EFCAB6: variants seen among roughly 807,000 people sequenced by gnomAD.
The protein encoded by EFCAB6 is EF-hand calcium binding domain 6, also known as EF-hand calcium-binding domain-containing protein 6.
A neutral mutation model predicts 169.8 loss-of-function variants in EFCAB6; 156 were observed. That is an observed-to-expected ratio of 0.92 (90% CI 0.81 to 1.05). The LOEUF (loss-of-function observed/expected upper bound fraction) is 1.05. EFCAB6 is among the 50% of genes least tolerant of loss of function. The probability of loss-of-function intolerance (pLI) is 0.00; values close to 1 mark genes in which losing one functional copy is unlikely to be tolerated. For missense variants in EFCAB6, 1,800 were observed against 1,829.1 expected (o/e 0.98, Z 0.29); for synonymous variants, 698 against 676.4 (o/e 1.03, Z -0.50).
chr22:43,811,181 G>A (rs1170595901), intron 1 of EFCAB6, among the ~76,000 whole-genome samples: 1 of 151,742 alleles, frequency 6.6e-6, no homozygotes, highest in East Asian at 1.9e-4. Flanking sequence ...TTGGGACACC[G>A]AGGCACGAGA....
At chr22:43,581,524 T>C (rs1200936981) in intron 24 of EFCAB6, among the ~76,000 whole-genome samples, 2 of 152,212 alleles carry the variant, frequency 1.3e-5, no homozygotes, top group South Asian at 2.1e-4. Context: ...ACGGAACATA[T>C]AGCATATCTA....
intron 6 of EFCAB6, among the ~76,000 whole-genome samples, chr22:43,747,482 C>T (rs905927535): frequency 2.6e-5 from 4 of 152,132 alleles, no homozygotes; most frequent in Admixed American, 6.6e-5. Context: ...GTCGAAGTGG[C>T]GCCCAGTTTC....
chr22:43,755,957 A>G, intron 5 of EFCAB6, 125 bp from the exon 6 acceptor site: 1 of 940,004 alleles, frequency 1.1e-6, no homozygotes, highest in Non-Finnish European at 1.5e-6. Context: ...GGTATTTCTT[A>G]CAAGCTACTG....
intron 17 of EFCAB6, among the ~76,000 whole-genome samples, chr22:43,664,492 GTGC>G (rs1259708541): frequency 6.6e-6 from 1 of 152,206 alleles, no homozygotes; most frequent in African/African-American, 2.4e-5. Context: ...CACAACACAG[GTGC>G]TGTGAACAGG....
intron 26 of EFCAB6, among the ~76,000 whole-genome samples, chr22:43,566,282 T>A (rs972666124): frequency 6.6e-6 from 1 of 152,236 alleles, no homozygotes; most frequent in African/African-American, 2.4e-5. Flanking sequence ...TCTGGTGGCA[T>A]AACTGCTGCC....
At chr22:43,606,310 A>G (rs2052914587) in intron 22 of EFCAB6, among the ~76,000 whole-genome samples, 1 of 152,230 alleles carries the variant, frequency 6.6e-6, no homozygotes, top group Non-Finnish European at 1.5e-5. Context: ...CCTTAAGAGC[A>G]TTTGAGTGTC....
intron 26 of EFCAB6, among the ~76,000 whole-genome samples, chr22:43,571,732 C>T (rs936122511): frequency 6.6e-6 from 1 of 152,122 alleles, no homozygotes; most frequent in Non-Finnish European, 1.5e-5. Flanking sequence ...CTCCTGCTCC[C>T]GATGGCAAAT....
chr22:43,802,614 C>A, intron 2 of EFCAB6: 1 of 471,066 alleles, frequency 2.1e-6, no homozygotes, highest in South Asian at 1.6e-5. Context: ...CCTCCAAAGC[C>A]AGAGCCCAAG....
chr22:43,727,915 C>G (rs1463238594), intron 8 of EFCAB6, among the ~76,000 whole-genome samples: 18 of 150,066 alleles, frequency 1.2e-4, no homozygotes, highest in Admixed American at 1.2e-3. Flanking sequence ...TTAAATTATA[C>G]TTTAAGTTCT....
intron 29 of EFCAB6, chr22:43,535,376 T>G (rs993902107): frequency 2.0e-5 from 3 of 152,842 alleles, no homozygotes; most frequent in African/African-American, 7.2e-5. Context: ...TCCATTCCAT[T>G]GATGATCTAA....
intron 23 of EFCAB6, among the ~76,000 whole-genome samples, chr22:43,592,078 C>T (rs930686282): frequency 2.0e-5 from 3 of 152,026 alleles, no homozygotes; most frequent in Non-Finnish European, 2.9e-5. Flanking sequence ...ACTTGAGGTA[C>T]GTATTTGTGG....
At chr22:43,664,961 A>G (rs2057178203) in intron 17 of EFCAB6, among the ~76,000 whole-genome samples, 1 of 152,138 alleles carries the variant, frequency 6.6e-6, no homozygotes, top group Admixed American at 6.5e-5. Flanking sequence ...TGGGGGGAGC[A>G]GTGGAGTGGG....
rs2057797012 is a variant in EFCAB6, at chr22:43,677,209, A to T, written c.1419+787T>A. Among the ~76,000 whole-genome samples the T allele has an allele frequency of 2.0e-5, 3 of 152,220 alleles. No individual in the cohort carries two copies. In the South Asian group the frequency reaches 6.2e-4, roughly 31 times the overall value. On this transcript the variant is annotated intron_variant, in intron 13 of 31. Coordinates refer to ENST00000262726, the MANE Select transcript of EFCAB6 (RefSeq NM_022785.4). ...CTAATAATAAAAGTGTCAACTTTTC[A>T]GTCAAAAGAAGCAAATGCTAAAGGC...
At chr22:43,730,781 C>G (rs1015237210) in intron 8 of EFCAB6, among the ~76,000 whole-genome samples, 3 of 152,150 alleles carry the variant, frequency 2.0e-5, no homozygotes, top group Non-Finnish European at 2.9e-5. Context: ...CAGGAACACG[C>G]TTTGCACAGC....
chr22:43,554,981 TG>T lies in EFCAB6; in HGVS notation c.3535del (p.His1179MetfsTer13), dbSNP rs2048616794. The T allele has an allele frequency of 4.3e-6, 7 of 1,614,138 alleles. No homozygotes were observed. Among genetic ancestry groups the T allele is most frequent in the Non-Finnish European group, 5.9e-6 (7 of 1,180,024 alleles). On this transcript the variant is annotated frameshift_variant, in exon 27 of 32. Transcript: ENST00000262726. LOFTEE classifies it high-confidence loss of function. ...ATTCTCAAACTCCTGGGTGATGGCA[TG>T]GTAATGGGAAGTCACTGCTTTGTGG... ...RLHKAVTSHY[H>X]AITQEFENFD... is the part of the protein sequence containing the mutation.
At chr22:43,674,858 G>A (rs1411068986) in intron 13 of EFCAB6, among the ~76,000 whole-genome samples, 5 of 152,070 alleles carry the variant, frequency 3.3e-5, no homozygotes, top group Admixed American at 6.6e-5. Context: ...GGCAAGAGTC[G>A]ACCGCAGGTG....
intron 27 of EFCAB6, among the ~76,000 whole-genome samples, chr22:43,545,848 C>T (rs1380262806): frequency 6.6e-6 from 1 of 152,160 alleles, no homozygotes; most frequent in Non-Finnish European, 1.5e-5. Context: ...AAACCCTAAT[C>T]ATCTTCGTAG....
At chr22:43,707,985 GT>G in intron 10 of EFCAB6, among the ~76,000 whole-genome samples, 1 of 147,458 alleles carries the variant, frequency 6.8e-6, no homozygotes, top group African/African-American at 2.5e-5. Context: ...GACTTTATAA[GT>G]TTAGAACACG....
rs533595968 is a variant in EFCAB6, at chr22:43,656,002, A to G, written c.1983+11102T>C. ...CTTCAAAGTGAATAATTCAACAGTC[A>G]ACAGAATGAAGAAAGGATCTCACTA... On this transcript the variant is annotated intron_variant, in intron 17 of 31. Transcript: ENST00000262726. Among the ~76,000 whole-genome samples, 8 of 152,374 alleles carry G rather than the reference A, an allele frequency of 5.3e-5. No homozygotes were observed. The South Asian group carries it at 1.0e-3, about 20-fold the overall frequency.
Sources: allele counts gnomAD v4.1 joint callset (sites outside exome capture counted in the v4.1 genomes callset), GRCh38; gene constraint gnomAD v4.1.1; transcripts MANE v1.5; gene names NCBI Gene and HGNC (gene_info 2026-07-23, HGNC 2026-07-21).